Variants in TTC29 observed in about 807,000 individuals in gnomAD.
TTC29 encodes the protein tetratricopeptide repeat domain 29.
TTC29 carries 49 observed loss-of-function variants against 58.1 expected under a neutral mutation model. That is an observed-to-expected ratio of 0.84 (90% CI 0.67 to 1.07). The LOEUF (loss-of-function observed/expected upper bound fraction) is 1.07, where lower values mean the gene tolerates loss of function less well. TTC29 is among the 50% of genes least tolerant of loss of function. The pLI is 0.00. For missense variants in TTC29, 582 were observed against 555.6 expected (o/e 1.05, Z -0.48); for synonymous variants, 209 against 196.8 (o/e 1.06, Z -0.52).
At chr4:146,778,356 A>G (rs1748272313) in intron 11 of TTC29, among the ~76,000 whole-genome samples, 1 of 152,042 alleles carries the variant, frequency 6.6e-6, no homozygotes, top group Non-Finnish European at 1.5e-5. Context: ...ATCTAACTTC[A>G]CTTTTGATTT....
chr4:146,713,999 G>A (rs188764255), intron 11 of TTC29, among the ~76,000 whole-genome samples: 4 of 151,934 alleles, frequency 2.6e-5, no homozygotes, highest in African/African-American at 4.8e-5. Flanking sequence ...TATAAATCCC[G>A]CAATTTTTTT....
chr4:146,771,445 G>C (rs1043243537), intron 11 of TTC29, among the ~76,000 whole-genome samples: 12 of 151,958 alleles, frequency 7.9e-5, no homozygotes, highest in African/African-American at 2.9e-4. Context: ...AGTGTCTGCT[G>C]TTTCCTTCTT....
intron 6 of TTC29, among the ~76,000 whole-genome samples, chr4:146,897,976 T>G (rs1026217416): frequency 2.0e-5 from 3 of 152,130 alleles, no homozygotes; most frequent in African/African-American, 7.2e-5. Context: ...GGGTTAAGAC[T>G]CAATGATAGA....
intron 6 of TTC29, among the ~76,000 whole-genome samples, chr4:146,893,963 A>T: frequency 6.6e-6 from 1 of 152,226 alleles, no homozygotes; most frequent in East Asian, 1.9e-4. Flanking sequence ...AGAAATGCAA[A>T]TCAAAACCAC....
chr4:146,894,562 G>T (rs1346664036), intron 6 of TTC29, among the ~76,000 whole-genome samples: 1 of 150,976 alleles, frequency 6.6e-6, no homozygotes, highest in Non-Finnish European at 1.5e-5. Context: ...GATAGCATTA[G>T]GAGATATACC....
At chr4:146,877,235 G>A (rs964715090) in intron 6 of TTC29, among the ~76,000 whole-genome samples, 1 of 151,972 alleles carries the variant, frequency 6.6e-6, no homozygotes, top group African/African-American at 2.4e-5. Flanking sequence ...AGGATTATGG[G>A]TAACTTATGG....
intron 11 of TTC29, among the ~76,000 whole-genome samples, chr4:146,792,275 G>A (rs530953605): frequency 1.2e-4 from 19 of 152,304 alleles, no homozygotes; most frequent in South Asian, 6.2e-4. Context: ...TGACTTTGAC[G>A]TTGAAGCCCA....
At chr4:146,760,745 T>C (rs1746822503) in intron 11 of TTC29, among the ~76,000 whole-genome samples, 1 of 119,320 alleles carries the variant, frequency 8.4e-6, no homozygotes, top group Non-Finnish European at 1.7e-5. Context: ...TATATATACA[T>C]ATATATGTGT....
chr4:146,777,102 G>A (rs1748161552), intron 11 of TTC29, among the ~76,000 whole-genome samples: 1 of 152,216 alleles, frequency 6.6e-6, no homozygotes, highest in African/African-American at 2.4e-5. Flanking sequence ...ACACAGGGGT[G>A]GGGACAGGTA....
intron 4 of TTC29, among the ~76,000 whole-genome samples, chr4:146,923,963 A>G (rs1734763459): frequency 6.7e-6 from 1 of 149,012 alleles, no homozygotes; most frequent in East Asian, 1.9e-4. Flanking sequence ...GTATGTGTAT[A>G]GGTATATGCA....
At chr4:146,729,913 A>G (rs1444279109) in intron 11 of TTC29, among the ~76,000 whole-genome samples, 1 of 151,952 alleles carries the variant, frequency 6.6e-6, no homozygotes, top group African/African-American at 2.4e-5. Context: ...CGTGGGGATT[A>G]TGGGGATTAC....
intron 9 of TTC29, chr4:146,831,782 C>CA: frequency 2.3e-6 from 1 of 442,334 alleles, no homozygotes; most frequent in Non-Finnish European, 4.6e-6. Context: ...TATTTGAAGA[C>CA]AGACTCATGT....
intron 7 of TTC29, among the ~76,000 whole-genome samples, chr4:146,871,204 T>C (rs190365893): frequency 2.7e-4 from 41 of 151,938 alleles, no homozygotes; most frequent in African/African-American, 8.9e-4. Flanking sequence ...TAGTATAATA[T>C]AACATATTAA....
intron 4 of TTC29, among the ~76,000 whole-genome samples, chr4:146,933,734 C>T (rs961008146): frequency 1.3e-5 from 2 of 152,158 alleles, no homozygotes; most frequent in Admixed American, 1.3e-4. Context: ...AATCTAGTCA[C>T]TTAGAAAGTA....
chr4:146,711,706 T>C lies in TTC29; in HGVS notation c.1331-4155A>G, dbSNP rs925620755. On this transcript the variant is annotated intron_variant, in intron 11 of 12. Coordinates refer to ENST00000325106, the MANE Select transcript of TTC29 (RefSeq NM_031956.4). The stretch of plus-strand genomic sequence containing the variant: ...TTTGTATTTCAGCAGATTTTATTGA[T>C]AGTCATAGATTCAATTTTAGTAGAA... Among the ~76,000 whole-genome samples, 3 of 152,148 alleles carry C rather than the reference T, an allele frequency of 2.0e-5. No individual in the cohort carries two copies. In the South Asian group the frequency reaches 6.2e-4, roughly 31 times the overall value.
chr4:146,872,965 T>G (rs543981228), intron 7 of TTC29, among the ~76,000 whole-genome samples: 1 of 152,140 alleles, frequency 6.6e-6, no homozygotes, highest in Non-Finnish European at 1.5e-5. Flanking sequence ...ACAACTCATA[T>G]GTCCATCATA....
intron 6 of TTC29, among the ~76,000 whole-genome samples, chr4:146,880,563 C>T (rs566309367): frequency 1.1e-4 from 16 of 152,226 alleles, no homozygotes; most frequent in Non-Finnish European, 2.4e-4. Flanking sequence ...TTACCCTCTT[C>T]CCTGCACAAC....
chr4:146,753,377 A>G (rs1175168025), intron 11 of TTC29, among the ~76,000 whole-genome samples: 3 of 152,140 alleles, frequency 2.0e-5, no homozygotes, highest in South Asian at 2.1e-4. Flanking sequence ...AGTTAGAATG[A>G]CGATCATTAA....
At chr4:146,896,030 A>G (rs561800460) in intron 6 of TTC29, among the ~76,000 whole-genome samples, 1 of 152,298 alleles carries the variant, frequency 6.6e-6, no homozygotes, top group South Asian at 2.1e-4. Flanking sequence ...TAAATTTTAT[A>G]CTGTGTAGCT....
Sources: allele counts gnomAD v4.1 joint callset (sites outside exome capture counted in the v4.1 genomes callset), GRCh38; gene constraint gnomAD v4.1.1; transcripts MANE v1.5; gene names NCBI Gene and HGNC (gene_info 2026-07-23, HGNC 2026-07-21).